Variants in MTHFSD observed in about 807,000 individuals in gnomAD.
MTHFSD encodes methenyltetrahydrofolate synthase domain-containing protein.
Under a neutral mutation model 31.1 loss-of-function variants are expected in MTHFSD, and 37 were observed. The ratio of observed to expected loss-of-function variants is 1.19; its 90% confidence interval spans 0.91 to 1.56. MTHFSD has a LOEUF of 1.56. Ranked by LOEUF, MTHFSD falls within the 40% of genes most tolerant of loss-of-function variation. MTHFSD has a pLI of 0.00. For synonymous variants in MTHFSD, 221 were observed against 206.9 expected (o/e 1.07, Z -0.59); for missense variants, 664 against 510.1 (o/e 1.30, Z -2.91).
intron 3 of MTHFSD, among the ~76,000 whole-genome samples, chr16:86,548,998 T>C (rs188822940): frequency 1.3e-5 from 2 of 152,356 alleles, no homozygotes; most frequent in East Asian, 1.9e-4. Flanking sequence ...ATGGCATAGC[T>C]ACCTTAGTTA....
intron 7 of MTHFSD, chr16:86,532,686 C>T (rs1970137474): frequency 2.5e-6 from 1 of 396,638 alleles, no homozygotes; most frequent in Non-Finnish European, 4.4e-6. Flanking sequence ...TGCCCCTCGC[C>T]CCTGGCTTAA....
rs961879987 is a variant in MTHFSD, at chr16:86,541,073, G to A, written c.681+624C>T. On this transcript the variant is annotated intron_variant, in intron 7 of 7. Coordinates refer to ENST00000360900, the MANE Select transcript of MTHFSD (RefSeq NM_001159377.2). ...ATTTGACCAGTAGTTTTGTCCACAC[G>A]AAGCACAAATGTCTTCTCAGTAATT... 2.2e-5 allele frequency: 27 copies of A among 1,248,884 alleles called. No homozygotes were observed. The East Asian group carries it at 2.8e-4, about 13-fold the overall frequency. The allele number at this position is 1,248,884 out of a possible 1,614,324, so 77.4% of individuals were successfully genotyped here.
At position 86,549,090 on chromosome 16, in the gene MTHFSD, C is replaced by T. The variant is rs533927191; in HGVS notation, c.238-513G>A. ...AATCATGATAATCAATACACTGATA[C>T]GTGCCAATAGCCCTTGACTTCTACT... On this transcript the variant is annotated intron_variant, in intron 3 of 7. Coordinates refer to ENST00000360900, the MANE Select transcript of MTHFSD (RefSeq NM_001159377.2). 9.8e-5 allele frequency among the ~76,000 whole-genome samples: 15 copies of T among 152,362 alleles called. No homozygotes were observed. In the South Asian group the frequency reaches 2.3e-3, roughly 23 times the overall value.
intron 5 of MTHFSD, among the ~76,000 whole-genome samples, chr16:86,544,365 T>C (rs1971967449): frequency 6.6e-6 from 1 of 152,000 alleles, no homozygotes; most frequent in South Asian, 2.1e-4. Context: ...TGTAAGAAAC[T>C]GAAACAAATT....
At chr16:86,541,227 A>T in intron 7 of MTHFSD, 2 of 1,289,664 alleles carry the variant, frequency 1.6e-6, no homozygotes, top group Non-Finnish European at 2.0e-6. Flanking sequence ...AATGCATAAA[A>T]TGTACAAAGG....
chr16:86,543,595 G>A (rs1245141831), intron 5 of MTHFSD, among the ~76,000 whole-genome samples: 5 of 152,216 alleles, frequency 3.3e-5, no homozygotes, highest in East Asian at 1.9e-4. Flanking sequence ...AGGCCAGCCC[G>A]CAGTGCTGAC....
At chr16:86,552,376 C>T in intron 2 of MTHFSD, 1 of 1,198,594 alleles carries the variant, frequency 8.3e-7, no homozygotes, top group Non-Finnish European at 1.2e-6. Context: ...CCCAGAATCT[C>T]ACCCAGACAG....
At position 86,552,160 on chromosome 16, in the gene MTHFSD, TAGAC is replaced by T. The variant is rs768905262; in HGVS notation, c.124-18_124-15del. On this transcript the variant is annotated splice_polypyrimidine_tract_variant and intron_variant, in intron 2 of 7. Coordinates refer to ENST00000360900, the MANE Select transcript of MTHFSD (RefSeq NM_001159377.2). ...CAGATAAGACCCCTAGTTAGGCAAATAGACAGAGTTGCACTTACTTCAAGGACGA... is the reference window on the plus strand; with the variant it reads ...CAGATAAGACCCCTAGTTAGGCAAATAGAGTTGCACTTACTTCAAGGACGA... 1.5e-5 allele frequency: 25 copies of T among 1,614,038 alleles called. No individual in the cohort carries two copies. In the Admixed American group the frequency reaches 2.5e-4, roughly 16 times the overall value.
chr16:86,531,832 C>A lies in MTHFSD; in HGVS notation c.*179G>T. On this transcript the variant is annotated 3_prime_UTR_variant, in exon 8 of 8. Transcript: ENST00000360900. This position sits in a 1 kb window ranked among gnomAD's most constrained non-coding sequence, Gnocchi z 5.5. ...GATGAACCGCAGGGCGGCTTCCCCA[C>A]TCACAGGAGGGCCTGGGCGTTCACT... The A allele has an allele frequency of 2.3e-6, 1 of 436,852 alleles. No homozygotes were observed. Among genetic ancestry groups the A allele is most frequent in the Non-Finnish European group, 4.0e-6 (1 of 249,756 alleles). 27.1% of individuals were successfully genotyped at this position (436,852 alleles called of 1,614,324 possible).
intron 2 of MTHFSD, 105 bp downstream of exon 2, chr16:86,554,540 C>CT: frequency 1.2e-5 from 11 of 931,348 alleles, no homozygotes; most frequent in Admixed American, 5.7e-5. Flanking sequence ...TCACTGCTCG[C>CT]CACATTCTCA....
intron 7 of MTHFSD, among the ~76,000 whole-genome samples, chr16:86,538,274 T>C (rs2113238): frequency 0.91 from 138,055 of 152,198 alleles, 62,659 homozygotes; most frequent in South Asian, 0.93. Context: ...AATGGTGTGG[T>C]GGGTCTCCAC....
intron 4 of MTHFSD, chr16:86,547,319 C>T (rs955766126): frequency 1.0e-6 from 1 of 985,640 alleles, no homozygotes; most frequent in Admixed American, 6.1e-5. Context: ...TCATGGTTCT[C>T]ATAACACGGT....
At chr16:86,532,865 T>C (rs946825203) in intron 7 of MTHFSD, 1 of 159,948 alleles carries the variant, frequency 6.3e-6, no homozygotes, top group Non-Finnish European at 1.4e-5. Context: ...ATTGGGATTA[T>C]AGGGTCACAA....
intron 4 of MTHFSD, chr16:86,547,178 C>T (rs1472610517): frequency 3.0e-6 from 3 of 986,980 alleles, no homozygotes; most frequent in Non-Finnish European, 3.6e-6. Flanking sequence ...ATATAAAATC[C>T]TGAAGGCCAC....
Position 86,541,889 on chromosome 16 carries a change from C to A in MTHFSD, c.556-67G>T. ...CACTGCAGTCGTGCACACTGCCCCG[C>A]TCGGTGGGAACGTGAGGCTGGCTAG... is the stretch of plus-strand genomic sequence containing the variant. On this transcript the variant is annotated intron_variant, in intron 6 of 7. Coordinates refer to ENST00000360900, the MANE Select transcript of MTHFSD (RefSeq NM_001159377.2). The A allele has an allele frequency of 1.9e-6, 3 of 1,592,324 alleles. 1 individual carries two copies. Among genetic ancestry groups the A allele is most frequent in the South Asian group, 2.2e-5 (2 of 89,852 alleles).
At chr16:86,540,858 C>T (rs1242343551) in intron 7 of MTHFSD, 2 of 1,084,930 alleles carry the variant, frequency 1.8e-6, no homozygotes, top group East Asian at 7.1e-5. Context: ...GAGGAGTGCA[C>T]ACCTGGGAGT....
At chr16:86,546,859 C>A (rs950069676) in intron 4 of MTHFSD, among the ~76,000 whole-genome samples, 1 of 152,198 alleles carries the variant, frequency 6.6e-6, no homozygotes, top group South Asian at 2.1e-4. Flanking sequence ...CCCAGAAAGG[C>A]GGCCAAGAGG....
chr16:86,541,469 C>G (rs1457069979), intron 7 of MTHFSD: 27 of 665,416 alleles, frequency 4.1e-5, no homozygotes, highest in Non-Finnish European at 6.2e-5. Context: ...TCTACAGAGG[C>G]AGATTTTAAA....
chr16:86,541,173 A>C, intron 7 of MTHFSD: 1 of 1,289,666 alleles, frequency 7.8e-7, no homozygotes, highest in Non-Finnish European at 1.0e-6. Flanking sequence ...CTGCAGACTA[A>C]TTTGCAACCT....
Sources: gnomAD v4.1 joint callset for allele counts (sites outside exome capture counted in the v4.1 genomes callset) on GRCh38, gnomAD v4.1.1 for gene constraint, Gnocchi (gnomAD v3.1) non-coding constraint, MANE v1.5 for transcripts, NCBI Gene and HGNC (gene_info 2026-07-23, HGNC 2026-07-21) for gene names.